Variants in RIF1 observed in about 807,000 individuals in gnomAD.
The protein encoded by RIF1 is telomere-associated protein RIF1.
Under a neutral mutation model 247.1 loss-of-function variants are expected in RIF1, and 45 were observed. The observed-to-expected ratio is 0.18, with a 90% CI of 0.14 to 0.23. RIF1 has a LOEUF of 0.23. RIF1 is among the 10% of genes least tolerant of loss of function. The pLI, the probability that RIF1 is intolerant of heterozygous loss-of-function variation, is 1.00. For synonymous variants in RIF1, 1,087 were observed against 978.8 expected, an observed-to-expected ratio of 1.11 and a Z score of -2.06; for missense variants, 2,967 against 2,862.5, an observed-to-expected ratio of 1.04 and a Z score of -0.83.
chr2:151,415,322 G>A (rs1687000816), intron 4 of RIF1, among the ~76,000 whole-genome samples: 1 of 148,766 alleles, frequency 6.7e-6, no homozygotes, highest in South Asian at 2.2e-4. Context: ...ACTCTAACCT[G>A]GGTGATAAGT....
At chr2:151,512,781 A>G (rs550057953), downstream of RIF1, 1 of 1,613,938 alleles carries the variant, frequency 6.2e-7, no homozygotes, top group South Asian at 1.1e-5. Context: ...TCTCTGGAGT[A>G]TCAACCACAG....
the RIF1 span, chr2:151,518,871 T>C: frequency 1.3e-6 from 1 of 758,746 alleles, no homozygotes; most frequent in Non-Finnish European, 2.3e-6. Context: ...ATCTAGGGTA[T>C]CAGTAGCAGA....
At position 151,476,033 on chromosome 2, in the gene RIF1, A is replaced by G. The variant is rs2048912390; in HGVS notation, c.*962A>G. ...AGTTAAAACATGAGTTTATTTTCTAAAAGTATCCAGAATAAGTAAAATTAT... is the reference window on the plus strand; with the variant it reads ...AGTTAAAACATGAGTTTATTTTCTAGAAGTATCCAGAATAAGTAAAATTAT... On this transcript the variant is annotated 3_prime_UTR_variant, in exon 36 of 36. Coordinates refer to ENST00000444746, the MANE Select transcript of RIF1 (RefSeq NM_018151.5). 1 of 152,348 alleles carries G rather than the reference A, an allele frequency of 6.6e-6. No individual in the cohort carries two copies. 9.4% of individuals were successfully genotyped at this position (152,348 alleles called of 1,614,324 possible).
the RIF1 span, chr2:151,529,059 T>G: frequency 3.0e-6 from 2 of 659,510 alleles, no homozygotes; most frequent in Admixed American, 5.7e-5. Flanking sequence ...CATTTATATT[T>G]TAGCATCATT....
chr2:151,505,150 A>T (rs2067816592), intron 12 of RIF1, among the ~76,000 whole-genome samples: 1 of 152,202 alleles, frequency 6.6e-6, no homozygotes, highest in African/African-American at 2.4e-5. Flanking sequence ...ATTACTTGAG[A>T]TCATCCCAAT....
chr2:151,508,622 C>A (rs1021945787), downstream of RIF1, among the ~76,000 whole-genome samples: 2 of 152,218 alleles, frequency 1.3e-5, no homozygotes, highest in Non-Finnish European at 2.9e-5. Context: ...AGGACTGAGC[C>A]GGCAGTCAGA....
chr2:151,509,710 C>T (rs1455481598), downstream of RIF1, among the ~76,000 whole-genome samples: 1 of 152,142 alleles, frequency 6.6e-6, no homozygotes, highest in East Asian at 1.9e-4. Flanking sequence ...TCACTGCAAC[C>T]TCTGACTCCC....
At chr2:151,433,410 G>C (rs1215564604) in intron 10 of RIF1, among the ~76,000 whole-genome samples, 182 bp downstream of exon 10, 1 of 152,078 alleles carries the variant, frequency 6.6e-6, no homozygotes, top group Non-Finnish European at 1.5e-5. Flanking sequence ...TTGTTCAGTT[G>C]CTTGAAATGG....
chr2:151,473,995 T>C lies in RIF1; in HGVS notation c.7127T>C (p.Val2376Ala), dbSNP rs368499844. 2.5e-4 allele frequency: 405 copies of C among 1,597,300 alleles called. No individual in the cohort carries two copies. Among genetic ancestry groups the C allele is most frequent in the Non-Finnish European group, 3.1e-4 (367 of 1,167,060 alleles). ...ACTCGTGGACTAGAAGAGATTCCAG[T>C]TTTTGATATTTCTGAAAAAACAGTA... ...VKTRGLEEIP[V>A]FDISEKTVNG... The change falls in exon 35 of 36, where the codon GTT becomes GCT. Residue 2376 changes from valine to alanine, a missense_variant. Val to Ala is a moderately conservative substitution (Grantham distance 64, BLOSUM62 0). Transcript: ENST00000444746.
At chr2:151,427,335 C>G (rs1303212910) in intron 8 of RIF1, among the ~76,000 whole-genome samples, 1 of 151,730 alleles carries the variant, frequency 6.6e-6, no homozygotes, top group Non-Finnish European at 1.5e-5. Context: ...CTCAGCCTCC[C>G]GAGTAGCTGG....
chr2:151,501,136 A>ACTT (rs1040063714), intron 11 of RIF1, among the ~76,000 whole-genome samples: 3 of 152,200 alleles, frequency 2.0e-5, no homozygotes, highest in East Asian at 1.9e-4. Flanking sequence ...AAATCAATTA[A>ACTT]CTTCAACAGT....
At chr2:151,494,764 T>C (rs1301910029) in intron 9 of RIF1, among the ~76,000 whole-genome samples, 2 of 152,204 alleles carry the variant, frequency 1.3e-5, no homozygotes, top group African/African-American at 4.8e-5. Flanking sequence ...TTCTTCTGCC[T>C]CAGCCTCCTG....
Position 151,426,659 on chromosome 2 carries a change from G to A in RIF1, c.787-2125G>A, listed in dbSNP as rs943464400. ...ACAGATGTCTTTCCATTTATTTAGG[G>A]TTTTTTTTTTGTTTTTTTTTTAAGA... On this transcript the variant is annotated intron_variant, in intron 8 of 35. Coordinates refer to ENST00000444746, the MANE Select transcript of RIF1 (RefSeq NM_018151.5). Among the ~76,000 whole-genome samples the A allele has an allele frequency of 2.1e-5, 3 of 145,774 alleles. No homozygotes were observed. The Admixed American group carries it at 2.1e-4, about 10-fold the overall frequency.
chr2:151,442,604 C>T (rs1692528673), intron 16 of RIF1, among the ~76,000 whole-genome samples: 1 of 151,912 alleles, frequency 6.6e-6, no homozygotes, highest in South Asian at 2.1e-4. Flanking sequence ...TGGTTACTGC[C>T]ATAAATATTG....
chr2:151,477,347 A>T lies in RIF1; in HGVS notation c.*2276A>T, dbSNP rs570787538. On this transcript the variant is annotated 3_prime_UTR_variant, in exon 36 of 36. Coordinates refer to ENST00000444746, the MANE Select transcript of RIF1 (RefSeq NM_018151.5). ...CAAATGTCAGATCATAATAACACTC[A>T]AATGTGTCTTAATTGTCTTATGCAT... 1 of 152,324 alleles carries T rather than the reference A, an allele frequency of 6.6e-6. No individual in the cohort carries two copies. The highest frequency in any genetic ancestry group is 1.5e-5 in the Non-Finnish European group (1 of 68,036). The allele number at this position is 152,324 out of a possible 1,614,324, so 9.4% of individuals were successfully genotyped here.
chr2:151,414,573 T>C lies in RIF1; in HGVS notation c.184-250T>C, dbSNP rs150596449. Among the ~76,000 whole-genome samples the C allele has an allele frequency of 2.4e-3, 371 of 152,348 alleles. 1 individual carries two copies. Among genetic ancestry groups the C allele is most frequent in the African/African-American group, 8.3e-3 (344 of 41,584 alleles). ...TCATCTGTTGACCTCTTTGCTTTCA[T>C]AGGTGTAGAGATATCCTTTATCTTC... is the stretch of plus-strand genomic sequence containing the variant. On this transcript the variant is annotated intron_variant, in intron 3 of 35. Transcript: ENST00000444746.
At chr2:151,442,587 A>G (rs770409499) in intron 16 of RIF1, among the ~76,000 whole-genome samples, 46 of 152,036 alleles carry the variant, frequency 3.0e-4, no homozygotes, top group Non-Finnish European at 5.3e-4. Flanking sequence ...ATATACGATA[A>G]TACTGTTGGT....
At chr2:151,420,910 C>G (rs1225358597) in intron 7 of RIF1, among the ~76,000 whole-genome samples, 2 of 152,140 alleles carry the variant, frequency 1.3e-5, no homozygotes, top group Non-Finnish European at 2.9e-5. Context: ...AGACATTTTA[C>G]TTCATTCCCA....
At chr2:151,417,810 T>C (rs1342102602) in intron 6 of RIF1, among the ~76,000 whole-genome samples, 1 of 152,156 alleles carries the variant, frequency 6.6e-6, no homozygotes, top group East Asian at 1.9e-4. Context: ...GTGCAAACAT[T>C]ATTAAGAGGA....
Sources: allele counts gnomAD v4.1 joint callset (sites outside exome capture counted in the v4.1 genomes callset), GRCh38; gene constraint gnomAD v4.1.1; transcripts MANE v1.5; gene names NCBI Gene and HGNC (gene_info 2026-07-23, HGNC 2026-07-21).